SCUBE1: variants seen among roughly 807,000 people sequenced by gnomAD.
SCUBE1 encodes the protein signal peptide, CUB domain and EGF like domain containing 1.
A neutral mutation model predicts 124.4 loss-of-function variants in SCUBE1; 59 were observed. The observed-to-expected ratio is 0.47, with a 90% CI of 0.38 to 0.59. The LOEUF is 0.59. Among genes scored for constraint, SCUBE1 ranks in the 20% least tolerant of loss-of-function variants. SCUBE1 has a pLI of 0.00. For synonymous variants in SCUBE1, 545 were observed against 550.9 expected (o/e 0.99, Z 0.15); for missense variants, 1,150 against 1,371.2 (o/e 0.84, Z 2.55).
chr22:43,281,459 TCAGCCAC>T (rs1299609593), intron 4 of SCUBE1, among the ~76,000 whole-genome samples: 28 of 66,390 alleles, frequency 4.2e-4, no homozygotes, highest in African/African-American at 2.3e-3. Context: ...GTCATCTCCC[TCAGCCAC>T]CCTCCTGTCA....
At chr22:43,239,079 ACT>A in intron 6 of SCUBE1, 125 bp from the exon 7 acceptor site, 1 of 712,362 alleles carries the variant, frequency 1.4e-6, no homozygotes, top group Non-Finnish European at 2.4e-6. Context: ...GCTCTGATAT[ACT>A]CTCTGGCTGT....
Position 43,255,563 on chromosome 22 carries a change from C to T in SCUBE1, c.727+2656G>A. 3.2e-6 allele frequency: 5 copies of T among 1,550,502 alleles called. No homozygotes were observed. Among genetic ancestry groups the T allele is most frequent in the Non-Finnish European group, 4.4e-6 (5 of 1,146,940 alleles). ...GCATTGAACTGAGAGCGCTCAATTG[C>T]AGCCTCATCCTTCTCTAAAACACAA... On this transcript the variant is annotated intron_variant, in intron 6 of 21. Coordinates refer to ENST00000360835, the MANE Select transcript of SCUBE1 (RefSeq NM_173050.5). This position sits in a 1 kb window ranked among gnomAD's most constrained non-coding sequence, Gnocchi z 4.7.
At chr22:43,224,209 C>A (rs557110681) in intron 10 of SCUBE1, among the ~76,000 whole-genome samples, 39 of 152,334 alleles carry the variant, frequency 2.6e-4, no homozygotes, top group African/African-American at 8.9e-4. Context: ...TGGTCAACCC[C>A]CGGGGCCCAC....
chr22:43,212,519 C>G lies in SCUBE1; in HGVS notation c.2127G>C (p.Gln709His). Residue 709 changes from glutamine (Q) to histidine (H), a missense_variant, in exon 17 of 22, where the codon CAG (glutamine) becomes CAC (histidine). Coordinates refer to ENST00000360835, the MANE Select transcript of SCUBE1 (RefSeq NM_173050.5). ...PCQACPVGTYQPEPGRTGCFP... is the reference protein window; with the variant it reads ...PCQACPVGTYHPEPGRTGCFP... ...AGCAGCCGGTGCGCCCGGGCTCAGG[C>G]TGGTACGTGCCCACGGGGCAGGCCT... The G allele has an allele frequency of 6.4e-7, 1 of 1,560,280 alleles. No homozygotes were observed. Among genetic ancestry groups the G allele is most frequent in the Non-Finnish European group, 8.7e-7 (1 of 1,152,564 alleles).
chr22:43,213,534 A>G (rs2146657842), intron 16 of SCUBE1: 1 of 152,448 alleles, frequency 6.6e-6, no homozygotes, highest in African/African-American at 2.4e-5. Flanking sequence ...CTAGCTTCAC[A>G]GATGGAGTTA....
At chr22:43,220,995 C>T (rs574503908) in intron 13 of SCUBE1, among the ~76,000 whole-genome samples, 178 bp downstream of exon 13, 8 of 152,272 alleles carry the variant, frequency 5.3e-5, no homozygotes, top group East Asian at 1.9e-4. Context: ...GCTTGCCCTC[C>T]GCTGTTTCCC....
intron 6 of SCUBE1, among the ~76,000 whole-genome samples, chr22:43,248,006 C>T (rs1033838293): frequency 2.6e-5 from 4 of 152,300 alleles, no homozygotes; most frequent in Admixed American, 2.6e-4. Flanking sequence ...GGCCAAGAAA[C>T]CTAGGGGAGG....
At chr22:43,230,710 C>A (rs762037703) in intron 8 of SCUBE1, among the ~76,000 whole-genome samples, 3 of 152,210 alleles carry the variant, frequency 2.0e-5, no homozygotes, top group Non-Finnish European at 2.9e-5. Flanking sequence ...CGTCCAGGGA[C>A]GAAGAGGCTG....
chr22:43,237,006 C>A (rs1922793178), intron 7 of SCUBE1, among the ~76,000 whole-genome samples: 1 of 150,930 alleles, frequency 6.6e-6, no homozygotes, highest in Admixed American at 6.6e-5. Flanking sequence ...GCCACAGGCC[C>A]AGGGCTGGGC....
chr22:43,272,193 G>A (rs1190028695), intron 4 of SCUBE1, among the ~76,000 whole-genome samples: 1 of 152,132 alleles, frequency 6.6e-6, no homozygotes, highest in Non-Finnish European at 1.5e-5. Context: ...GTAGGGGAAA[G>A]AGTTTATCCC....
At chr22:43,247,127 G>A (rs1569506016) in intron 6 of SCUBE1, among the ~76,000 whole-genome samples, 1 of 152,198 alleles carries the variant, frequency 6.6e-6, no homozygotes, top group Non-Finnish European at 1.5e-5. Context: ...GTTCCTCCCT[G>A]GCATTCCAGA....
chr22:43,294,703 G>C (rs1925494242), intron 3 of SCUBE1, among the ~76,000 whole-genome samples: 1 of 152,174 alleles, frequency 6.6e-6, no homozygotes, highest in Non-Finnish European at 1.5e-5. Flanking sequence ...GCGTCCTCCA[G>C]GAAGTCCTCC....
rs1601887135 is a variant in SCUBE1, at chr22:43,318,597, G to GT, written c.349+1339dup. ...TGCTGACTATCTGATCACCACTATG[G>GT]TAAAAACACACTTGGATGCAGGTGG... is the stretch of plus-strand genomic sequence containing the variant. On this transcript the variant is annotated intron_variant, in intron 3 of 21. Coordinates refer to ENST00000360835, the MANE Select transcript of SCUBE1 (RefSeq NM_173050.5). Among the ~76,000 whole-genome samples, 5 of 152,248 alleles carry GT rather than the reference G, an allele frequency of 3.3e-5. No individual in the cohort carries two copies. The East Asian group carries it at 7.7e-4, about 24-fold the overall frequency.
At position 43,253,145 on chromosome 22, in the gene SCUBE1, C is replaced by G. The variant is rs886735593; in HGVS notation, c.727+5074G>C. Among the ~76,000 whole-genome samples the G allele has an allele frequency of 2.0e-5, 3 of 152,202 alleles. No individual in the cohort carries two copies. The East Asian group carries it at 5.8e-4, about 29-fold the overall frequency. On this transcript the variant is annotated intron_variant, in intron 6 of 21. Coordinates refer to ENST00000360835, the MANE Select transcript of SCUBE1 (RefSeq NM_173050.5). ...GGGGCAGGATGGGAACGGTCACCTC[C>G]CTTACTCTCCATACCTTGCCTCTAT...
chr22:43,250,697 C>G (rs115017029), intron 6 of SCUBE1, among the ~76,000 whole-genome samples: 1 of 152,138 alleles, frequency 6.6e-6, no homozygotes, highest in Non-Finnish European at 1.5e-5. Flanking sequence ...GAGGTAAACA[C>G]GGGGCAGAGT....
At position 43,201,632 on chromosome 22, in the gene SCUBE1, G is replaced by A. The variant is rs928977156; in HGVS notation, c.*2365C>T. On this transcript the variant is annotated 3_prime_UTR_variant, in exon 22 of 22. Coordinates refer to ENST00000360835, the MANE Select transcript of SCUBE1 (RefSeq NM_173050.5). ...GGCTTTGGATGCTGGGACTCACAGGGTGGCCCCTGGCTTCTCGGGCTTTGG... is the reference window on the plus strand; with the variant it reads ...GGCTTTGGATGCTGGGACTCACAGGATGGCCCCTGGCTTCTCGGGCTTTGG... 6.6e-6 allele frequency: 1 copy of A among 152,172 alleles called. No individual in the cohort carries two copies. Among genetic ancestry groups the A allele is most frequent in the Admixed American group, 6.5e-5 (1 of 15,274 alleles). The allele number at this position is 152,172 out of a possible 1,614,324, so 9.4% of individuals were successfully genotyped here.
chr22:43,291,000 C>T, intron 4 of SCUBE1, 46 bp downstream of exon 4: 1 of 1,522,052 alleles, frequency 6.6e-7, no homozygotes, highest in Non-Finnish European at 8.9e-7. Flanking sequence ...CTGGGGGCTG[C>T]CCATCCTGGG....
At position 43,210,202 on chromosome 22, in the gene SCUBE1, A is replaced by G; in HGVS notation, c.2422T>C (p.Tyr808His). 1 of 1,587,790 alleles carries G rather than the reference A, an allele frequency of 6.3e-7. No homozygotes were observed. Among genetic ancestry groups the G allele is most frequent in the Non-Finnish European group, 8.6e-7 (1 of 1,166,982 alleles). ...CGGELGDYTG[Y>H]IESPNYPGDY... Reference sequence around the variant, plus strand: ...CCAGGGTAGTTGGGGGACTCGATGTAGCCGGTGTAGTCACCAAGCTCGCCG... The same window carrying G: ...CCAGGGTAGTTGGGGGACTCGATGTGGCCGGTGTAGTCACCAAGCTCGCCG... The change falls in exon 19 of 22, where the codon TAC becomes CAC. Residue 808 changes from tyrosine (Y) to histidine (H), a missense_variant. Physicochemically the swap from Tyr to His is moderately conservative, Grantham distance 83 (BLOSUM62 2). Around this residue, in one of 3 missense-constraint regions of SCUBE1, gnomAD observed 757 missense variants for 840.9 expected, o/e 0.90. Transcript: ENST00000360835. The surrounding 1 kb of genome is among the most constrained non-coding windows in gnomAD (Gnocchi z 4.5).
intron 3 of SCUBE1, among the ~76,000 whole-genome samples, chr22:43,308,664 G>A (rs114381099): frequency 0.024 from 3,590 of 152,318 alleles, 163 homozygotes; most frequent in African/African-American, 0.081. Flanking sequence ...GAGCTGGAGC[G>A]CGGCGCCTGC....
Sources: allele counts gnomAD v4.1 joint callset (sites outside exome capture counted in the v4.1 genomes callset), GRCh38; gene constraint gnomAD v4.1.1; regional missense constraint gnomAD v4.1.1; non-coding constraint Gnocchi (gnomAD v3.1); transcripts MANE v1.5; gene names NCBI Gene and HGNC (gene_info 2026-07-23, HGNC 2026-07-21).